Variants in CDKL5 observed in about 807,000 individuals in gnomAD.
The protein encoded by CDKL5 is cyclin-dependent kinase-like 5.
Under a neutral mutation model 61.7 loss-of-function variants are expected in CDKL5, and 8 were observed. That is an observed-to-expected ratio of 0.13 (90% CI 0.08 to 0.23). The LOEUF is 0.23. Among genes scored for constraint, CDKL5 ranks in the 10% least tolerant of loss-of-function variants. The pLI is 1.00. For missense variants in CDKL5, 440 were observed against 734.5 expected (o/e 0.60, Z 4.63); for synonymous variants, 275 against 272.3 (o/e 1.01, Z -0.10).
Position 18,613,274 on chromosome X carries a change from T to C in CDKL5, c.2275T>C (p.Trp759Arg). 8.4e-7 allele frequency: 1 copy of C among 1,195,270 alleles called. No homozygotes were observed. The highest frequency in any genetic ancestry group is 1.1e-6 in the Non-Finnish European group (1 of 884,959). The stretch of plus-strand genomic sequence containing the variant: ...AAAAAGACAACCAGCATTCGATCCA[T>C]GGTGAGCATTTTGGTTTGTTTTTAC... ...HSKRQPAFDP[W>R]KSPENISHSE... Residue 759 changes from tryptophan to arginine, a missense_variant and splice_region_variant, in exon 15 of 18, where the codon TGG (tryptophan) becomes CGG (arginine). Around this residue, in one of 2 missense-constraint regions of CDKL5, gnomAD observed 363 missense variants for 516.3 expected, o/e 0.70. Transcript: ENST00000623535.
chrX:18,492,043 A>C (rs1286427589), intron 1 of CDKL5, among the ~76,000 whole-genome samples: 1 of 111,058 alleles, frequency 9.0e-6, no homozygotes, highest in Admixed American at 9.6e-5. Flanking sequence ...TGTCATTAGA[A>C]TATGTTTTTA....
At chrX:18,492,316 A>G (rs1386050560) in intron 1 of CDKL5, among the ~76,000 whole-genome samples, 1 of 111,588 alleles carries the variant, frequency 9.0e-6, no homozygotes, top group Non-Finnish European at 1.9e-5. Flanking sequence ...CATTTTAAAA[A>G]TTGGGTTTCC....
At chrX:18,472,804 T>C (rs938725027) in intron 1 of CDKL5, among the ~76,000 whole-genome samples, 1 of 109,967 alleles carries the variant, frequency 9.1e-6, no homozygotes, top group African/African-American at 3.3e-5. Flanking sequence ...AATGTGGATA[T>C]CTGACGGAGT....
chrX:18,628,794 C>T lies in CDKL5; in HGVS notation c.*37C>T, dbSNP rs1927152369. On this transcript the variant is annotated 3_prime_UTR_variant, in exon 18 of 18. Coordinates refer to ENST00000623535, the MANE Select transcript of CDKL5 (RefSeq NM_001323289.2). Reference sequence around the variant, plus strand: ...AGGGGGGAGGGGTGGACAGACAAGCCAGTGGGGAGGGGTGGGAAAGGGTGG... The same window carrying T: ...AGGGGGGAGGGGTGGACAGACAAGCTAGTGGGGAGGGGTGGGAAAGGGTGG... 1.8e-6 allele frequency: 1 copy of T among 565,236 alleles called. No homozygotes were observed. Among genetic ancestry groups the T allele is most frequent in the Non-Finnish European group, 2.0e-6 (1 of 501,606 alleles). The allele number at this position is 565,236 out of a possible 1,213,427, so 46.6% of individuals were successfully genotyped here.
intron 15 of CDKL5, 113 bp from the exon 16 acceptor site, chrX:18,619,754 C>T (rs1926831529): frequency 3.8e-6 from 2 of 520,550 alleles, no homozygotes; most frequent in South Asian, 6.0e-5. Flanking sequence ...GTGTTTGATT[C>T]TTCCCGGCTA....
At chrX:18,451,503 T>A (rs1042702017) in intron 1 of CDKL5, among the ~76,000 whole-genome samples, 1 of 111,635 alleles carries the variant, frequency 9.0e-6, no homozygotes. Flanking sequence ...TATCTCTACT[T>A]CTTATAGTTT....
In CDKL5 at chrX:18,639,905, C is replaced by T. The variant is rs779055883; in HGVS notation, c.*11148C>T. On this transcript the variant is annotated 3_prime_UTR_variant, in exon 18 of 18. Coordinates refer to ENST00000623535, the MANE Select transcript of CDKL5 (RefSeq NM_001323289.2). ...TATGCTAAGTGAAAGAAGCCAGTCACGAAATACCACATACTATATGATTTC... is the reference window on the plus strand; with the variant it reads ...TATGCTAAGTGAAAGAAGCCAGTCATGAAATACCACATACTATATGATTTC... 5.5e-4 allele frequency: 61 copies of T among 111,729 alleles called. No homozygotes were observed. Among genetic ancestry groups the T allele is most frequent in the African/African-American group, 1.7e-3 (53 of 30,778 alleles). The allele number at this position is 111,729 out of a possible 1,213,427, so 9.2% of individuals were successfully genotyped here. A position where few individuals can be genotyped will look rare whatever the true frequency, so the allele number is the denominator to read the frequency against.
chrX:18,477,320 G>A (rs1013682286), intron 1 of CDKL5, among the ~76,000 whole-genome samples: 2 of 111,469 alleles, frequency 1.8e-5, no homozygotes, highest in African/African-American at 6.5e-5. Context: ...GTCCACCTTG[G>A]CCTCCCAAAG....
intron 17 of CDKL5, among the ~76,000 whole-genome samples, chrX:18,626,240 C>T (rs1338325508): frequency 1.8e-5 from 2 of 109,998 alleles, no homozygotes; most frequent in Non-Finnish European, 1.9e-5. Context: ...GCTAATTTTT[C>T]GAATTTTTGG....
intron 1 of CDKL5, among the ~76,000 whole-genome samples, chrX:18,497,815 C>T (rs1922233008): frequency 9.2e-6 from 1 of 108,508 alleles, no homozygotes; most frequent in African/African-American, 3.4e-5. Flanking sequence ...TTTCTCTTTC[C>T]CTTTCTTCCT....
At chrX:18,552,999 G>C (rs924014087) in intron 3 of CDKL5, among the ~76,000 whole-genome samples, 2 of 111,469 alleles carry the variant, frequency 1.8e-5, no homozygotes, top group Admixed American at 1.9e-4. Flanking sequence ...TGGTTGCTGA[G>C]GGGATGAACA....
rs755136154 is a variant in CDKL5 at position 18,631,120 on chromosome X, T to C, written c.*2363T>C. ...CCCATGTTGTCATCCTTGCTAACAC[T>C]GGGATCTCAGATGTTTGCAGAACAT... On this transcript the variant is annotated 3_prime_UTR_variant, in exon 18 of 18. Coordinates refer to ENST00000623535, the MANE Select transcript of CDKL5 (RefSeq NM_001323289.2). 1 of 750,268 alleles carries C rather than the reference T, an allele frequency of 1.3e-6. No individual in the cohort carries two copies. The highest frequency in any genetic ancestry group is 2.3e-5 in the African/African-American group (1 of 42,615). 61.8% of individuals were successfully genotyped at this position (750,268 alleles called of 1,213,427 possible).
chrX:18,588,378 C>A (rs1925712036), intron 9 of CDKL5: 1 of 333,753 alleles, frequency 3.0e-6, no homozygotes. Context: ...TCCAGTTTTT[C>A]AAAATCTTTT....
intron 8 of CDKL5, among the ~76,000 whole-genome samples, chrX:18,587,001 C>G (rs1051032217): frequency 8.9e-6 from 1 of 111,961 alleles, no homozygotes; most frequent in Non-Finnish European, 1.9e-5. Flanking sequence ...GAAATTTGTT[C>G]TGTATAATGT....
At chrX:18,609,028 G>C in intron 13 of CDKL5, 116 bp downstream of exon 13, 1 of 546,540 alleles carries the variant, frequency 1.8e-6, no homozygotes, top group East Asian at 3.5e-5. Flanking sequence ...TATAAAGTAA[G>C]TAGTTTTCCT....
Position 18,509,203 on chromosome X carries a change from A to G in CDKL5, c.65-1617A>G, listed in dbSNP as rs867539621. On this transcript the variant is annotated intron_variant, in intron 2 of 17. Transcript: ENST00000623535. ...CGAGACTGTCTCAAAACACGCACAC[A>G]CACACACACACACACACACACACAC... Among the ~76,000 whole-genome samples, 539 of 77,904 alleles carry G rather than the reference A, an allele frequency of 6.9e-3. 6 individuals carry two copies. The highest frequency in any genetic ancestry group is 0.019 in the East Asian group (35 of 1,886). 67.7% of individuals were successfully genotyped at this position (77,904 alleles called of 115,157 possible). A position where few individuals can be genotyped will look rare whatever the true frequency, so the allele number is the denominator to read the frequency against.
chrX:18,610,290 T>G (rs1926507519), intron 14 of CDKL5, among the ~76,000 whole-genome samples: 1 of 112,733 alleles, frequency 8.9e-6, no homozygotes, highest in Admixed American at 9.3e-5. Flanking sequence ...TCCTCTGGCC[T>G]GTAATGTACT....
At chrX:18,605,708 C>T (rs1383501128) in intron 12 of CDKL5, among the ~76,000 whole-genome samples, 1 of 112,769 alleles carries the variant, frequency 8.9e-6, no homozygotes. Flanking sequence ...GTGCCTGGCA[C>T]AAAGTAAGTG....
intron 1 of CDKL5, among the ~76,000 whole-genome samples, chrX:18,495,755 G>A (rs934254491): frequency 9.0e-6 from 1 of 111,573 alleles, no homozygotes; most frequent in Non-Finnish European, 1.9e-5. Context: ...TGGTGGCTTG[G>A]AATTTTTACA....
Sources: gnomAD v4.1 joint callset for allele counts (sites outside exome capture counted in the v4.1 genomes callset) on GRCh38, gnomAD v4.1.1 for gene constraint, gnomAD v4.1.1 regional missense constraint, MANE v1.5 for transcripts, NCBI Gene and HGNC (gene_info 2026-07-23, HGNC 2026-07-21) for gene names.